Variants in CEMIP2 observed in about 807,000 individuals in gnomAD.
The protein encoded by CEMIP2 is cell surface hyaluronidase CEMIP2.
CEMIP2 carries 79 observed loss-of-function variants against 146.9 expected under a neutral mutation model. The ratio of observed to expected loss-of-function variants is 0.54; its 90% CI spans 0.45 to 0.65. The LOEUF (loss-of-function observed/expected upper bound fraction) is 0.65. Among genes scored for constraint, CEMIP2 ranks in the 30% least tolerant of loss-of-function variants. CEMIP2 has a pLI of 0.00. For missense variants in CEMIP2, 1,596 were observed against 1,696.2 expected (o/e 0.94, Z 1.04); for synonymous variants, 601 against 606.3 (o/e 0.99, Z 0.13).
At chr9:71,712,009 T>C (rs942251318) in intron 16 of CEMIP2, 74 bp downstream of exon 16, 3 of 1,522,154 alleles carry the variant, frequency 2.0e-6, no homozygotes, top group Non-Finnish European at 2.7e-6. Flanking sequence ...TCCTTTGCGT[T>C]TTTGTCTTTG....
chr9:71,734,029 G>C lies in CEMIP2; in HGVS notation c.1393+777C>G, dbSNP rs193178870. On this transcript the variant is annotated intron_variant, in intron 6 of 23. Coordinates refer to ENST00000377044, the MANE Select transcript of CEMIP2 (RefSeq NM_013390.3). ...CTGGCTAATGTTTTTTGTATATTTA[G>C]TAGAGATGGGGTTTCACCGTATGGG... Among the ~76,000 whole-genome samples, 920 of 152,066 alleles carry C rather than the reference G, an allele frequency of 6.0e-3. 41 individuals are homozygous for C. The South Asian group carries it at 0.12, about 20-fold the overall frequency.
In CEMIP2 at chr9:71,683,996, A is replaced by G. The variant is rs1014573967; in HGVS notation, c.*1201T>C. The G allele has an allele frequency of 6.6e-6, 1 of 152,190 alleles. No individual in the cohort carries two copies. The highest frequency in any genetic ancestry group is 2.1e-4 in the South Asian group (1 of 4,826). 9.4% of individuals were successfully genotyped at this position (152,190 alleles called of 1,614,324 possible). ...TGTGGAGCCAGTTGCCTCTTGCCGC[A>G]TGTGATTCACCAGCAGGAGACGCAT... On this transcript the variant is annotated 3_prime_UTR_variant, in exon 24 of 24. Transcript: ENST00000377044.
intron 1 of CEMIP2, among the ~76,000 whole-genome samples, chr9:71,760,933 C>G (rs1024940866): frequency 3.3e-5 from 5 of 152,182 alleles, no homozygotes; most frequent in African/African-American, 1.2e-4. Context: ...TTCTTTTTCT[C>G]CTTAATTCTT....
chr9:71,698,922 C>G (rs989353625), intron 19 of CEMIP2, among the ~76,000 whole-genome samples: 2 of 151,130 alleles, frequency 1.3e-5, no homozygotes, highest in Non-Finnish European at 2.9e-5. Context: ...TGATTGATTA[C>G]TAGAAATGAA....
intron 11 of CEMIP2, among the ~76,000 whole-genome samples, chr9:71,725,360 C>G (rs1347163699): frequency 6.6e-6 from 1 of 152,058 alleles, no homozygotes; most frequent in Non-Finnish European, 1.5e-5. Context: ...GCCCTTCTAC[C>G]GTGGATGACA....
At chr9:71,719,842 C>CAAAAAAG (rs1823181441) in intron 12 of CEMIP2, among the ~76,000 whole-genome samples, 1 of 93,196 alleles carries the variant, frequency 1.1e-5, no homozygotes, top group Non-Finnish European at 2.0e-5. Context: ...TAAACGAAAG[C>CAAAAAAG]AAAAAAAAAA....
chr9:71,722,672 C>A (rs1190474075), intron 11 of CEMIP2, among the ~76,000 whole-genome samples, 157 bp from the exon 12 acceptor site: 3 of 150,388 alleles, frequency 2.0e-5, no homozygotes, highest in Non-Finnish European at 4.4e-5. Flanking sequence ...AAAAAAACAG[C>A]TACTTTCCTG....
intron 1 of CEMIP2, among the ~76,000 whole-genome samples, chr9:71,752,305 G>GT (rs1419822541): frequency 6.6e-6 from 1 of 151,398 alleles, no homozygotes; most frequent in Non-Finnish European, 1.5e-5. Context: ...TCATAAGGAA[G>GT]TTTAAACTAT....
intron 22 of CEMIP2, chr9:71,686,804 A>G (rs1589122062): frequency 6.6e-6 from 1 of 151,916 alleles, no homozygotes; most frequent in Non-Finnish European, 1.5e-5. Flanking sequence ...CCTGTCATCC[A>G]CCCCTCACCC....
chr9:71,710,694 G>C (rs764503850), intron 16 of CEMIP2, among the ~76,000 whole-genome samples: 2 of 152,156 alleles, frequency 1.3e-5, no homozygotes, highest in Non-Finnish European at 2.9e-5. Flanking sequence ...AGGATGCATA[G>C]AGAACTACGG....
At chr9:71,734,407 T>G (rs62547052) in intron 6 of CEMIP2, among the ~76,000 whole-genome samples, 10,728 of 152,098 alleles carry the variant, frequency 0.071, 535 homozygotes, top group South Asian at 0.19. Context: ...AATGCATGCT[T>G]GGATTAATAC....
At chr9:71,752,180 C>T (rs1564025819) in intron 1 of CEMIP2, among the ~76,000 whole-genome samples, 1 of 151,822 alleles carries the variant, frequency 6.6e-6, no homozygotes, top group Non-Finnish European at 1.5e-5. Context: ...GGTATTTTTA[C>T]TCTAAAGTTC....
chr9:71,716,425 AT>A (rs1348458351), intron 14 of CEMIP2, 91 bp downstream of exon 14: 35 of 1,088,660 alleles, frequency 3.2e-5, no homozygotes, highest in Middle Eastern at 2.2e-4. Context: ...GTTAAAAAAA[AT>A]AATAAAACAT....
chr9:71,690,238 G>A lies in CEMIP2; in HGVS notation c.3705C>T (p.Gly1235=), dbSNP rs1212686754. The change falls in exon 22 of 24, where the codon GGC becomes GGT. Residue 1235 remains glycine, a synonymous_variant. Coordinates refer to ENST00000377044, the MANE Select transcript of CEMIP2 (RefSeq NM_013390.3). ...RGDPSVISVN[G]TDFTFRSAGV... is the part of the protein sequence containing the mutation. The stretch of plus-strand genomic sequence containing the variant: ...CTGCACTTCGGAAGGTAAAGTCAGT[G>A]CCATTGACCTGAGAATGCAAAAACA... 1.2e-6 allele frequency: 2 copies of A among 1,613,590 alleles called. No individual in the cohort carries two copies. The highest frequency in any genetic ancestry group is 2.2e-5 in the South Asian group (2 of 91,078).
intron 21 of CEMIP2, among the ~76,000 whole-genome samples, chr9:71,692,834 G>A (rs1822272486): frequency 6.6e-6 from 1 of 152,102 alleles, no homozygotes; most frequent in African/African-American, 2.4e-5. Context: ...CCTGGGAGGT[G>A]GAGGGTGCGG....
intron 19 of CEMIP2, among the ~76,000 whole-genome samples, chr9:71,698,596 C>A (rs1345675929): frequency 1.7e-5 from 1 of 57,576 alleles, no homozygotes; most frequent in African/African-American, 5.5e-5. Flanking sequence ...TGTTCTCATT[C>A]ATAAATCATT....
chr9:71,683,870 A>C lies in CEMIP2; in HGVS notation c.*1327T>G, dbSNP rs192920734. On this transcript the variant is annotated 3_prime_UTR_variant, in exon 24 of 24. Coordinates refer to ENST00000377044, the MANE Select transcript of CEMIP2 (RefSeq NM_013390.3). ...AGCCTGAACACACTTTCTACCACCCACCCTTGGCCATCCCTCCTCTACACT... is the reference window on the plus strand; with the variant it reads ...AGCCTGAACACACTTTCTACCACCCCCCCTTGGCCATCCCTCCTCTACACT... 6.6e-6 allele frequency: 1 copy of C among 152,470 alleles called. No individual in the cohort carries two copies. The highest frequency in any genetic ancestry group is 1.9e-4 in the East Asian group (1 of 5,172). The allele number at this position is 152,470 out of a possible 1,614,324, so 9.4% of individuals were successfully genotyped here. A position where few individuals can be genotyped will look rare whatever the true frequency, so the allele number is the denominator to read the frequency against.
intron 6 of CEMIP2, among the ~76,000 whole-genome samples, chr9:71,733,428 G>A (rs1357851040): frequency 1.3e-5 from 2 of 152,150 alleles, no homozygotes; most frequent in Admixed American, 6.5e-5. Context: ...TGGTATCATA[G>A]TTTTGGGGTT....
Position 71,718,026 on chromosome 9 carries a change from A to G in CEMIP2, c.2321T>C (p.Ile774Thr). ...NPEKPRVAAL[I>T]DRLIAFKNND... The stretch of plus-strand genomic sequence containing the variant: ...ATTTTTAAAAGCAATGAGCCTGTCA[A>G]TTAGAGCAGCAACACGTGGTTTTTC... The change falls in exon 13 of 24, where the codon ATT (isoleucine) becomes ACT (threonine). Residue 774 changes from isoleucine (I) to threonine (T), a missense_variant. Physicochemically the swap from Ile to Thr is moderately conservative, Grantham distance 89 (BLOSUM62 -1). Transcript: ENST00000377044. The G allele has an allele frequency of 6.2e-7, 1 of 1,613,350 alleles. No homozygotes were observed. The highest frequency in any genetic ancestry group is 8.5e-7 in the Non-Finnish European group (1 of 1,179,586).
Sources: allele counts gnomAD v4.1 joint callset (sites outside exome capture counted in the v4.1 genomes callset), GRCh38; gene constraint gnomAD v4.1.1; transcripts MANE v1.5; gene names NCBI Gene and HGNC (gene_info 2026-07-23, HGNC 2026-07-21).